ARID5B: variants seen among roughly 807,000 people sequenced by gnomAD.
The protein encoded by ARID5B is AT-rich interactive domain-containing protein 5B.
ARID5B carries 13 observed loss-of-function variants against 97.2 expected under a neutral mutation model. That is an observed-to-expected ratio of 0.13 (90% CI 0.09 to 0.21). ARID5B has a LOEUF of 0.21. ARID5B is among the 10% of genes least tolerant of loss of function. The probability of loss-of-function intolerance (pLI) is 1.00; values close to 1 mark genes in which losing one functional copy is unlikely to be tolerated. For synonymous variants in ARID5B, 556 were observed against 570.3 expected, an observed-to-expected ratio of 0.97 and a Z score of 0.36; for missense variants, 1,210 against 1,465.3, an observed-to-expected ratio of 0.83 and a Z score of 2.84.
intron 2 of ARID5B, among the ~76,000 whole-genome samples, chr10:61,929,314 G>A (rs1327218663): frequency 6.6e-6 from 1 of 152,140 alleles, no homozygotes; most frequent in Admixed American, 6.5e-5. Context: ...AGGTGAGTAT[G>A]CCATGCTTTC....
intron 3 of ARID5B, among the ~76,000 whole-genome samples, chr10:61,952,031 C>T (rs1838330954): frequency 6.6e-6 from 1 of 152,100 alleles, no homozygotes; most frequent in Non-Finnish European, 1.5e-5. Context: ...ATGACTATTT[C>T]TTTATACATT....
chr10:62,043,644 A>C (rs1839668913), intron 4 of ARID5B, among the ~76,000 whole-genome samples: 1 of 152,208 alleles, frequency 6.6e-6, no homozygotes, highest in Non-Finnish European at 1.5e-5. Context: ...GGTTGGGGGA[A>C]GGGTAGAAGT....
At chr10:62,043,831 C>T (rs913019801) in intron 4 of ARID5B, among the ~76,000 whole-genome samples, 3 of 152,112 alleles carry the variant, frequency 2.0e-5, no homozygotes, top group African/African-American at 7.2e-5. Flanking sequence ...TAAGACTGGG[C>T]ATGTATTGGA....
intron 7 of ARID5B, among the ~76,000 whole-genome samples, chr10:62,060,141 A>G (rs1360792272): frequency 1.3e-5 from 2 of 152,234 alleles, no homozygotes. Flanking sequence ...AATCTGGGAT[A>G]TCTCTGTACC....
intron 2 of ARID5B, among the ~76,000 whole-genome samples, chr10:61,935,397 C>A (rs924529280): frequency 6.6e-6 from 1 of 151,968 alleles, no homozygotes; most frequent in African/African-American, 2.4e-5. Context: ...AATAAGCTAT[C>A]GATACAAGCA....
chr10:61,913,167 G>A (rs1044718516), intron 2 of ARID5B, among the ~76,000 whole-genome samples: 68 of 152,296 alleles, frequency 4.5e-4, no homozygotes, highest in Admixed American at 1.1e-3. Context: ...ATGCAGAAAA[G>A]GTCATTGATA....
chr10:62,069,352 A>G (rs779512803), intron 7 of ARID5B, among the ~76,000 whole-genome samples: 90 of 152,240 alleles, frequency 5.9e-4, no homozygotes, highest in Non-Finnish European at 1.0e-3. Context: ...TATTTCAGCT[A>G]AAACCTGATT....
At chr10:62,030,045 G>A (rs879492994) in intron 4 of ARID5B, among the ~76,000 whole-genome samples, 47 of 152,242 alleles carry the variant, frequency 3.1e-4, no homozygotes, top group African/African-American at 1.0e-3. Flanking sequence ...AATAATTGAC[G>A]AGCCACAAGC....
rs931226389 is a variant in ARID5B, at chr10:62,093,186, C to T, written c.*156C>T. On this transcript the variant is annotated 3_prime_UTR_variant, in exon 10 of 10. Coordinates refer to ENST00000279873, the MANE Select transcript of ARID5B (RefSeq NM_032199.3). Reference sequence around the variant, plus strand: ...GGGCCCAGAGGGGAGGTGAACATGCCTGATTTTTGTGGGACAACTCTAGCC... The same window carrying T: ...GGGCCCAGAGGGGAGGTGAACATGCTTGATTTTTGTGGGACAACTCTAGCC... 1.7e-6 allele frequency: 2 copies of T among 1,179,732 alleles called. No homozygotes were observed. Among genetic ancestry groups the T allele is most frequent in the Non-Finnish European group, 2.3e-6 (2 of 868,226 alleles). 73.1% of individuals were successfully genotyped at this position (1,179,732 alleles called of 1,614,324 possible).
Position 62,090,898 on chromosome 10 carries a change from A to G in ARID5B, c.1435A>G (p.Ile479Val). ...SEQEKEQETL[I>V]SQKSIPEPLP... is the part of the protein sequence containing the mutation. ...GCAAGAAAAAGAACAAGAGACTTTAATAAGCCAGAAAAGCATCCCTGAGCC... is the reference window on the plus strand; with the variant it reads ...GCAAGAAAAAGAACAAGAGACTTTAGTAAGCCAGAAAAGCATCCCTGAGCC... Residue 479 changes from isoleucine to valine, a missense_variant, in exon 10 of 10, where the codon ATA (isoleucine) becomes GTA (valine). By Grantham distance (29) the Ile-to-Val change is conservative. Coordinates refer to ENST00000279873, the MANE Select transcript of ARID5B (RefSeq NM_032199.3). 1 of 1,594,604 alleles carries G rather than the reference A, an allele frequency of 6.3e-7. No homozygotes were observed. Among genetic ancestry groups the G allele is most frequent in the South Asian group, 1.1e-5 (1 of 87,550 alleles).
intron 3 of ARID5B, among the ~76,000 whole-genome samples, chr10:61,949,922 A>T (rs1838299167): frequency 6.6e-6 from 1 of 152,166 alleles, no homozygotes; most frequent in Non-Finnish European, 1.5e-5. Flanking sequence ...TCACTGATAG[A>T]TTGCCAAACT....
chr10:61,902,160 G>T lies in ARID5B; in HGVS notation c.23G>T (p.Trp8Leu). MEPNSLQWVGSPCGLHGP... is the reference protein window; with the variant it reads MEPNSLQLVGSPCGLHGP... ...TGGTGTTTTTTTCCCCCCCTGCAGTGGGTCGGCTCACCGTGTGGCTTGCAC... is the reference window on the plus strand; with the variant it reads ...TGGTGTTTTTTTCCCCCCCTGCAGTTGGTCGGCTCACCGTGTGGCTTGCAC... Residue 8 changes from tryptophan to leucine, a missense_variant and splice_region_variant, in exon 2 of 10, where the codon TGG becomes TTG. Transcript: ENST00000279873. 6.2e-7 allele frequency: 1 copy of T among 1,612,142 alleles called. No individual in the cohort carries two copies. Among genetic ancestry groups the T allele is most frequent in the South Asian group, 1.1e-5 (1 of 91,004 alleles).
At chr10:61,946,782 A>T (rs1422970868) in intron 3 of ARID5B, among the ~76,000 whole-genome samples, 1 of 152,108 alleles carries the variant, frequency 6.6e-6, no homozygotes, top group Non-Finnish European at 1.5e-5. Flanking sequence ...TTATCCGGGC[A>T]TGGTGGCATG....
intron 8 of ARID5B, 23 bp from the exon 9 acceptor site, chr10:62,085,679 C>A (rs1372328125): frequency 1.3e-6 from 2 of 1,577,398 alleles, no homozygotes; most frequent in South Asian, 1.2e-5. Flanking sequence ...ACTGACCGAT[C>A]ATCTCTTCTG....
chr10:62,071,571 G>GAGAC (rs1840066225), intron 8 of ARID5B, among the ~76,000 whole-genome samples: 1 of 145,466 alleles, frequency 6.9e-6, no homozygotes, highest in South Asian at 2.2e-4. Context: ...AAAAAAAAGA[G>GAGAC]AGAAGGTTTG....
chr10:62,057,180 T>C lies in ARID5B; in HGVS notation c.910T>C (p.Ser304Pro). ...GAATAACCATAACTGTAAAAAAGTC[T>C]CAAATGAAGAAAAACCAAAGGTTGC... ...PKNNHNCKKV[S>P]NEEKPKVAIG... Residue 304 changes from serine (S) to proline (P), a missense_variant, in exon 6 of 10, where the codon TCA (serine) becomes CCA (proline). By Grantham distance (74) the Ser-to-Pro change is moderately conservative. Coordinates refer to ENST00000279873, the MANE Select transcript of ARID5B (RefSeq NM_032199.3). The C allele has an allele frequency of 6.2e-7, 1 of 1,611,394 alleles. No homozygotes were observed. The highest frequency in any genetic ancestry group is 1.1e-5 in the South Asian group (1 of 91,006).
At chr10:61,933,868 C>T (rs1448248933) in intron 2 of ARID5B, among the ~76,000 whole-genome samples, 1 of 152,152 alleles carries the variant, frequency 6.6e-6, no homozygotes, top group Non-Finnish European at 1.5e-5. Context: ...CTGCATTAGC[C>T]CCTAACAGAA....
Position 62,093,090 on chromosome 10 carries a change from G to A in ARID5B, c.*60G>A. On this transcript the variant is annotated 3_prime_UTR_variant, in exon 10 of 10. Coordinates refer to ENST00000279873, the MANE Select transcript of ARID5B (RefSeq NM_032199.3). ...CCAACAGAGCTTCACTCCTTACCCAGGAGTGCTGGCTTATAGAGTTAGAAG... is the reference window on the plus strand; with the variant it reads ...CCAACAGAGCTTCACTCCTTACCCAAGAGTGCTGGCTTATAGAGTTAGAAG... The A allele has an allele frequency of 6.5e-7, 1 of 1,539,178 alleles. No individual in the cohort carries two copies. Among genetic ancestry groups the A allele is most frequent in the East Asian group, 2.2e-5 (1 of 44,508 alleles).
intron 3 of ARID5B, among the ~76,000 whole-genome samples, chr10:61,975,159 A>G (rs1271376002): frequency 1.3e-5 from 2 of 152,208 alleles, no homozygotes; most frequent in Non-Finnish European, 2.9e-5. Context: ...CCCAGAGCAT[A>G]GTATATCATG....
Sources: gnomAD v4.1 joint callset for allele counts (sites outside exome capture counted in the v4.1 genomes callset) on GRCh38, gnomAD v4.1.1 for gene constraint, MANE v1.5 for transcripts, NCBI Gene and HGNC (gene_info 2026-07-23, HGNC 2026-07-21) for gene names.